The following TMC5 variants were observed in gnomAD, a reference collection of about 807,000 sequenced individuals.
TMC5 encodes transmembrane channel-like protein 5.
In TMC5, 86 loss-of-function variants were observed where a neutral mutation model predicts 110.5. The ratio of observed to expected loss-of-function variants is 0.78; its 90% CI spans 0.65 to 0.93. The LOEUF is 0.93. Ranked by LOEUF, TMC5 falls within the 40% of genes least tolerant of loss-of-function variation. TMC5 has a pLI of 0.00. For missense variants in TMC5, 1,144 were observed against 1,222.8 expected, an observed-to-expected ratio of 0.94 and a Z score of 0.96; for synonymous variants, 455 against 439.5, an observed-to-expected ratio of 1.04 and a Z score of -0.44.
chr16:19,463,498 C>A, intron 7 of TMC5, 131 bp downstream of exon 7: 1 of 893,404 alleles, frequency 1.1e-6, no homozygotes, highest in Non-Finnish European at 1.8e-6. Flanking sequence ...ACGGTTAGTA[C>A]AGGTGTGGAA....
intron 2 of TMC5, among the ~76,000 whole-genome samples, chr16:19,434,499 G>A (rs112583155): frequency 3.9e-5 from 5 of 127,100 alleles, no homozygotes; most frequent in African/African-American, 1.7e-4. Context: ...TAGATATAGA[G>A]AGAGAGAGAG....
chr16:19,444,726 A>C (rs982528770), intron 4 of TMC5, among the ~76,000 whole-genome samples: 2 of 152,240 alleles, frequency 1.3e-5, no homozygotes, highest in African/African-American at 4.8e-5. Flanking sequence ...AAAGGCATTC[A>C]GGCAATCAGC....
At chr16:19,448,490 A>C (rs1411381877) in intron 4 of TMC5, among the ~76,000 whole-genome samples, 2 of 151,682 alleles carry the variant, frequency 1.3e-5, no homozygotes, top group Non-Finnish European at 2.9e-5. Flanking sequence ...ATGGTGGTGC[A>C]TGCTTGTAGT....
chr16:19,487,326 G>A lies in TMC5; in HGVS notation c.2573G>A (p.Arg858Lys). The change falls in exon 17 of 22, where the codon AGA becomes AAA. Residue 858 changes from arginine (R) to lysine (K), a missense_variant and splice_region_variant. By Grantham distance (26) the Arg-to-Lys change is conservative. Coordinates refer to ENST00000542583, the MANE Select transcript of TMC5 (RefSeq NM_001261841.2). ...TGCACCCTGGCCATCACCATCTGGA[G>A]GTAGGAGAAGGTGGCCTTGGGGGAG... is the stretch of plus-strand genomic sequence containing the variant. ...VLCTLAITIW[R>K]LKPSADCGPF... The A allele has an allele frequency of 6.2e-7, 1 of 1,611,346 alleles. No homozygotes were observed. Among genetic ancestry groups the A allele is most frequent in the Non-Finnish European group, 8.5e-7 (1 of 1,179,094 alleles).
rs1968363867 is a variant in TMC5 at position 19,472,286 on chromosome 16, G to A, written c.1938+43G>A. 2.5e-6 allele frequency: 4 copies of A among 1,605,168 alleles called. No individual in the cohort carries two copies. The African/African-American group carries it at 5.3e-5, about 21-fold the overall frequency. Reference sequence around the variant, plus strand: ...CCAGGGCAGAGAGAACCAGGTGAAGGGATGAGATGCTGGAGGGGAAGGGTG... The same window carrying A: ...CCAGGGCAGAGAGAACCAGGTGAAGAGATGAGATGCTGGAGGGGAAGGGTG... On this transcript the variant is annotated intron_variant, in intron 11 of 21. Transcript: ENST00000542583.
intron 2 of TMC5, among the ~76,000 whole-genome samples, chr16:19,436,871 C>T (rs72785305): frequency 0.049 from 7,454 of 152,184 alleles, 390 homozygotes; most frequent in African/African-American, 0.13. Flanking sequence ...CCACTGGCAG[C>T]TTCAGGTTTA....
At chr16:19,454,096 G>A (rs543049356) in intron 5 of TMC5, among the ~76,000 whole-genome samples, 64 of 152,122 alleles carry the variant, frequency 4.2e-4, no homozygotes, top group African/African-American at 1.5e-3. Context: ...CCCCCAGGCT[G>A]GAGTGGAGTG....
At chr16:19,497,376 C>T (rs150840917) in intron 21 of TMC5, among the ~76,000 whole-genome samples, 6 of 152,342 alleles carry the variant, frequency 3.9e-5, no homozygotes, top group African/African-American at 1.2e-4. Flanking sequence ...CTTTCAGTTC[C>T]GTTCTTACCC....
chr16:19,465,542 A>C (rs1168737052), intron 8 of TMC5, among the ~76,000 whole-genome samples: 4 of 152,028 alleles, frequency 2.6e-5, no homozygotes, highest in African/African-American at 9.7e-5. Flanking sequence ...AAAATAAATA[A>C]ATAAATAAAT....
Position 19,417,886 on chromosome 16 carries a change from C to T in TMC5, c.-514C>T, listed in dbSNP as rs1011486502. ...CGGCAATGAGCTCAGTAAACAACCC[C>T]CTTCCCGTGATCTTCGTGGCTTCCC... On this transcript the variant is annotated 5_prime_UTR_variant, in exon 1 of 22. Transcript: ENST00000542583. 1 of 152,186 alleles carries T rather than the reference C, an allele frequency of 6.6e-6. No homozygotes were observed. The highest frequency in any genetic ancestry group is 2.1e-4 in the South Asian group (1 of 4,828). The allele number at this position is 152,186 out of a possible 1,614,324, so 9.4% of individuals were successfully genotyped here.
intron 19 of TMC5, 36 bp downstream of exon 19, chr16:19,492,264 AC>A: frequency 6.7e-7 from 1 of 1,502,624 alleles, no homozygotes; most frequent in South Asian, 1.1e-5. Flanking sequence ...GTCCGCCCTC[AC>A]CCTTTTTAAA....
intron 5 of TMC5, among the ~76,000 whole-genome samples, chr16:19,450,884 G>A (rs1023641513): frequency 3.3e-5 from 5 of 152,298 alleles, no homozygotes; most frequent in South Asian, 2.1e-4. Context: ...ACTGGTGAAA[G>A]ATAGAAGGCG....
chr16:19,414,205 T>C (rs1567292335), upstream of TMC5, among the ~76,000 whole-genome samples: 1 of 151,900 alleles, frequency 6.6e-6, no homozygotes, highest in Non-Finnish European at 1.5e-5. Flanking sequence ...CTGCTTTCTG[T>C]GTCTGGGGCT....
At chr16:19,423,038 C>T (rs868684641) in intron 1 of TMC5, among the ~76,000 whole-genome samples, 2 of 152,166 alleles carry the variant, frequency 1.3e-5, no homozygotes, top group Admixed American at 6.6e-5. Flanking sequence ...GCAGGAGGAT[C>T]GATGGAGCCC....
At position 19,428,335 on chromosome 16, in the gene TMC5, A is replaced by G. The variant is rs1597160524; in HGVS notation, c.-307-2078A>G. On this transcript the variant is annotated intron_variant, in intron 1 of 21. Transcript: ENST00000542583. ...TTTTTTTTTTTTTTTTTGAGACAGC[A>G]TCTTGCTCTGTTGCCCAGGCTGGAG... 2.2e-5 allele frequency among the ~76,000 whole-genome samples: 3 copies of G among 138,040 alleles called. No individual in the cohort carries two copies. The East Asian group carries it at 6.2e-4, about 28-fold the overall frequency. The allele number at this position is 138,040 out of a possible 152,430, so 90.6% of individuals were successfully genotyped here. A position where few individuals can be genotyped will look rare whatever the true frequency, so the allele number is the denominator to read the frequency against.
chr16:19,450,498 C>T (rs1597180844), intron 5 of TMC5, among the ~76,000 whole-genome samples: 1 of 152,136 alleles, frequency 6.6e-6, no homozygotes. Context: ...CTTTTCAGTT[C>T]TGTATGTATA....
intron 3 of TMC5, among the ~76,000 whole-genome samples, chr16:19,443,876 A>AATGG (rs375509598): frequency 5.3e-5 from 8 of 151,228 alleles, no homozygotes; most frequent in Non-Finnish European, 8.8e-5. Context: ...TGGATGGATG[A>AATGG]ATGGATGGAT....
chr16:19,429,674 G>A (rs201358275), intron 1 of TMC5, among the ~76,000 whole-genome samples: 1 of 152,164 alleles, frequency 6.6e-6, no homozygotes, highest in African/African-American at 2.4e-5. Context: ...TTCCAGAACC[G>A]CTAATGTGAA....
At chr16:19,463,405 CAGGG>C in intron 7 of TMC5, 38 bp downstream of exon 7, 1 of 1,489,698 alleles carries the variant, frequency 6.7e-7, no homozygotes, top group South Asian at 1.1e-5. Flanking sequence ...AGGGTGAAAA[CAGGG>C]AGGGAGGAGA....
Sources: gnomAD v4.1 joint callset for allele counts (sites outside exome capture counted in the v4.1 genomes callset) on GRCh38, gnomAD v4.1.1 for gene constraint, MANE v1.5 for transcripts, NCBI Gene and HGNC (gene_info 2026-07-23, HGNC 2026-07-21) for gene names.